TASOR: variants seen among roughly 807,000 people sequenced by gnomAD.
TASOR encodes the protein transcription activation suppressor.
In TASOR, 53 loss-of-function variants were observed where a neutral mutation model predicts 178.6. The observed-to-expected ratio is 0.30, with a 90% CI of 0.24 to 0.37. The LOEUF (loss-of-function observed/expected upper bound fraction) is 0.37, where lower values mean the gene tolerates loss of function less well. Among genes scored for constraint, TASOR ranks in the 10% least tolerant of loss-of-function variants. The pLI is 1.00. For missense variants in TASOR, 1,815 were observed against 1,971.4 expected (o/e 0.92, Z 1.50); for synonymous variants, 713 against 696.2 (o/e 1.02, Z -0.38).
Position 56,682,942 on chromosome 3 carries a change from C to T in TASOR, c.65G>A (p.Gly22Asp). The change falls in exon 1 of 24, where the codon GGC (glycine) becomes GAC (aspartate). Residue 22 changes from glycine to aspartate, a missense_variant. Coordinates refer to ENST00000683822, the MANE Select transcript of TASOR (RefSeq NM_001365635.2). ...PTDASWESGG[G>D]GDDEMKQALP... Reference sequence around the variant, plus strand: ...CGCCTGCTTCATCTCGTCGTCTCCGCCGCCGCCACTTTCCCAACTCGCATC... The same window carrying T: ...CGCCTGCTTCATCTCGTCGTCTCCGTCGCCGCCACTTTCCCAACTCGCATC... 1.3e-6 allele frequency: 2 copies of T among 1,549,872 alleles called. No individual in the cohort carries two copies. The highest frequency in any genetic ancestry group is 1.2e-5 in the South Asian group (1 of 84,046).
At chr3:56,646,127 G>A (rs777974140) in intron 14 of TASOR, among the ~76,000 whole-genome samples, 12 of 152,184 alleles carry the variant, frequency 7.9e-5, no homozygotes, top group Admixed American at 1.3e-4. Context: ...CAGCCTTGGG[G>A]AGACATCAAG....
chr3:56,627,449 ATT>A, intron 20 of TASOR, 131 bp downstream of exon 20: 1 of 992,354 alleles, frequency 1.0e-6, no homozygotes, highest in East Asian at 2.5e-5. Flanking sequence ...GGAGAAAGAA[ATT>A]TGAGGTAATA....
rs764308971 is a variant in TASOR, at chr3:56,623,018, A to T, written c.*19T>A. On this transcript the variant is annotated 3_prime_UTR_variant, in exon 24 of 24. Transcript: ENST00000683822. ...TAAACAAAGTCCACAACAATCTCTT[A>T]AAAAAAAAGTTACTACAGTTATTTC... is the stretch of plus-strand genomic sequence containing the variant. The T allele has an allele frequency of 9.4e-5, 127 of 1,350,458 alleles. No individual in the cohort carries two copies. Among genetic ancestry groups the T allele is most frequent in the Non-Finnish European group, 1.2e-4 (118 of 1,007,002 alleles). 83.7% of individuals were successfully genotyped at this position (1,350,458 alleles called of 1,614,324 possible).
At chr3:56,658,731 A>T (rs1194407346) in intron 11 of TASOR, among the ~76,000 whole-genome samples, 1 of 151,860 alleles carries the variant, frequency 6.6e-6, no homozygotes, top group Non-Finnish European at 1.5e-5. Context: ...ACATGATAAA[A>T]CCCCGTCTCT....
intron 21 of TASOR, among the ~76,000 whole-genome samples, chr3:56,626,743 CAA>C (rs1368759104): frequency 7.3e-6 from 1 of 137,248 alleles, no homozygotes; most frequent in Non-Finnish European, 1.6e-5. Context: ...AACTCTATCT[CAA>C]AAAAAAAAAG....
chr3:56,667,442 C>A (rs193211454), intron 6 of TASOR, among the ~76,000 whole-genome samples: 33 of 152,066 alleles, frequency 2.2e-4, no homozygotes, highest in Non-Finnish European at 4.1e-4. Context: ...CACCTGAGGT[C>A]AGGAGTTTGA....
intron 1 of TASOR, among the ~76,000 whole-genome samples, chr3:56,678,052 T>C (rs1002037261): frequency 6.6e-6 from 1 of 152,134 alleles, no homozygotes; most frequent in Non-Finnish European, 1.5e-5. Context: ...CACTTAGAGA[T>C]TTATAATTCA....
At chr3:56,661,230 T>A (rs1044106880) in intron 9 of TASOR, among the ~76,000 whole-genome samples, 2 of 152,182 alleles carry the variant, frequency 1.3e-5, no homozygotes, top group Non-Finnish European at 2.9e-5. Context: ...CACTGCAGCT[T>A]CAACCTCCTA....
chr3:56,633,099 G>C lies in TASOR; in HGVS notation c.3692C>G (p.Thr1231Ser). 1.2e-6 allele frequency: 2 copies of C among 1,610,876 alleles called. No individual in the cohort carries two copies. Among genetic ancestry groups the C allele is most frequent in the Middle Eastern group, 1.7e-4 (1 of 6,036 alleles). The change falls in exon 18 of 24, where the codon ACT becomes AGT. Residue 1231 changes from threonine (T) to serine (S), a missense_variant. Around this residue, in one of 5 missense-constraint regions of TASOR, gnomAD observed 655 missense variants for 671.1 expected, o/e 0.98. Transcript: ENST00000683822. ...TTCTTCATGAATATAAAATTTCACAGTATTTTTCTGGACGTCTTTCATGAT... is the reference window on the plus strand; with the variant it reads ...TTCTTCATGAATATAAAATTTCACACTATTTTTCTGGACGTCTTTCATGAT... ...VKIMKDVQKN[T>S]VKFYIHEEEE...
At chr3:56,635,810 T>C (rs539430434) in intron 17 of TASOR, among the ~76,000 whole-genome samples, 12 of 152,098 alleles carry the variant, frequency 7.9e-5, no homozygotes, top group Non-Finnish European at 1.3e-4. Flanking sequence ...GCTCCCAAAA[T>C]GTATAGCTAA....
Position 56,668,412 on chromosome 3 carries a change from G to A in TASOR, c.882C>T (p.Ala294=). 6.4e-7 allele frequency: 1 copy of A among 1,551,546 alleles called. No homozygotes were observed. The highest frequency in any genetic ancestry group is 1.2e-5 in the South Asian group (1 of 84,046). Residue 294 remains alanine, a synonymous_variant, in exon 6 of 24, where the codon GCC becomes GCT. Transcript: ENST00000683822. ...TGGAACCTACCTGAGTAAGCTCATA[G>A]GCTCTGTAAGCCAAAAGTGATGTAA... ...NRITSLLAYR[A]YELTQYYFYE... is the part of the protein sequence containing the mutation.
intron 1 of TASOR, among the ~76,000 whole-genome samples, chr3:56,678,754 T>C (rs1460276025): frequency 6.6e-6 from 1 of 152,094 alleles, no homozygotes; most frequent in Non-Finnish European, 1.5e-5. Flanking sequence ...CTCATGCCTG[T>C]AATCCCAGCA....
In TASOR at chr3:56,637,076, G is replaced by A. The variant is rs140122483; in HGVS notation, c.2824+1630C>T. ...GATATTGCATGAAAGTACCAAACAC[G>A]AGAGACGACATGAGTAGGCTCTATT... On this transcript the variant is annotated intron_variant, in intron 17 of 23. Coordinates refer to ENST00000683822, the MANE Select transcript of TASOR (RefSeq NM_001365635.2). Among the ~76,000 whole-genome samples, 364 of 152,244 alleles carry A rather than the reference G, an allele frequency of 2.4e-3. 6 individuals carry two copies. The highest frequency in any genetic ancestry group is 7.7e-3 in the African/African-American group (320 of 41,544).
At chr3:56,653,639 T>A (rs1334130389) in intron 11 of TASOR, among the ~76,000 whole-genome samples, 1 of 151,910 alleles carries the variant, frequency 6.6e-6, no homozygotes, top group African/African-American at 2.4e-5. Flanking sequence ...ATTATACATT[T>A]TTCTCAAACA....
At position 56,628,484 on chromosome 3, in the gene TASOR, T is replaced by C. The variant is rs370421436; in HGVS notation, c.3870+8A>G. On this transcript the variant is annotated splice_region_variant and intron_variant, in intron 19 of 23. Transcript: ENST00000683822. ...AACCAAAGTAGTGAATTTGACTTAA[T>C]AGTCTACCTTGTGAATGAAACCTGC... The C allele has an allele frequency of 8.8e-6, 14 of 1,595,786 alleles. No homozygotes were observed. The highest frequency in any genetic ancestry group is 6.9e-5 in the South Asian group (6 of 86,690).
chr3:56,628,929 ATTTTTTTTT>A (rs58944810), intron 18 of TASOR: 143 of 122,266 alleles, frequency 1.2e-3, no homozygotes, highest in African/African-American at 4.4e-3. Flanking sequence ...TACCAGGCTA[ATTTTTTTTT>A]TTTTTTTTTT....
chr3:56,630,561 C>T lies in TASOR; in HGVS notation c.3748-1947G>A, dbSNP rs374778828. Among the ~76,000 whole-genome samples, 456 of 152,208 alleles carry T rather than the reference C, an allele frequency of 3.0e-3. 4 individuals carry two copies. Among genetic ancestry groups the T allele is most frequent in the African/African-American group, 0.01 (424 of 41,554 alleles). On this transcript the variant is annotated intron_variant, in intron 18 of 23. Transcript: ENST00000683822. ...TCCTATCCCCTTAATCTAAATGTAA[C>T]GGCTGGGTGCGATGGCTCACGCCTG...
Position 56,633,110 on chromosome 3 carries a change from G to C in TASOR, c.3681C>G (p.Val1227=). 6.2e-7 allele frequency: 1 copy of C among 1,611,352 alleles called. No homozygotes were observed. The highest frequency in any genetic ancestry group is 8.5e-7 in the Non-Finnish European group (1 of 1,179,300). ...TATAAAATTTCACAGTATTTTTCTGGACGTCTTTCATGATTTTAACCAAAC... is the reference window on the plus strand; with the variant it reads ...TATAAAATTTCACAGTATTTTTCTGCACGTCTTTCATGATTTTAACCAAAC... ...FNSLVKIMKD[V]QKNTVKFYIH... Residue 1227 remains valine, a synonymous_variant, in exon 18 of 24, where the codon GTC becomes GTG. Transcript: ENST00000683822.
In TASOR at chr3:56,620,512, G is replaced by A. The variant is rs942089581; in HGVS notation, c.*2525C>T. On this transcript the variant is annotated 3_prime_UTR_variant, in exon 24 of 24. Coordinates refer to ENST00000683822, the MANE Select transcript of TASOR (RefSeq NM_001365635.2). ...ATATACTCTCTGTACTTGAGGAAGA[G>A]TAAGCTGTGTTTAAAAGTGCCCTTT... 2 of 152,240 alleles carry A rather than the reference G, an allele frequency of 1.3e-5. No individual in the cohort carries two copies. The highest frequency in any genetic ancestry group is 4.8e-5 in the African/African-American group (2 of 41,442). The allele number at this position is 152,240 out of a possible 1,614,324, so 9.4% of individuals were successfully genotyped here.
Sources: allele counts gnomAD v4.1 joint callset (sites outside exome capture counted in the v4.1 genomes callset), GRCh38; gene constraint gnomAD v4.1.1; regional missense constraint gnomAD v4.1.1; transcripts MANE v1.5; gene names NCBI Gene and HGNC (gene_info 2026-07-23, HGNC 2026-07-21).